CDH7: variants seen among roughly 807,000 people sequenced by gnomAD.
The protein encoded by CDH7 is cadherin 7.
CDH7 carries 25 observed loss-of-function variants against 71.8 expected under a neutral mutation model. The ratio of observed to expected loss-of-function variants is 0.35; its 90% CI spans 0.25 to 0.49. CDH7 has a LOEUF of 0.49. CDH7 is among the 20% of genes least tolerant of loss of function. The probability of loss-of-function intolerance (pLI) is 0.99; values close to 1 mark genes in which losing one functional copy is unlikely to be tolerated. For synonymous variants in CDH7, 381 were observed against 363.8 expected (o/e 1.05, Z -0.54); for missense variants, 862 against 974.6 (o/e 0.88, Z 1.54).
At chr18:65,834,350 T>C (rs1912459889) in intron 6 of CDH7, among the ~76,000 whole-genome samples, 1 of 152,178 alleles carries the variant, frequency 6.6e-6, no homozygotes, top group South Asian at 2.1e-4. Flanking sequence ...AGCTCTATAG[T>C]ACATTCTTAT....
At chr18:65,858,833 C>A in intron 8 of CDH7, 92 bp from the exon 9 acceptor site, 1 of 1,281,916 alleles carries the variant, frequency 7.8e-7, no homozygotes, top group Non-Finnish European at 1.1e-6. Context: ...CATTATGATT[C>A]TAGATTTCAT....
chr18:65,878,098 C>T (rs758232688), intron 11 of CDH7, among the ~76,000 whole-genome samples: 3 of 152,092 alleles, frequency 2.0e-5, no homozygotes, highest in Non-Finnish European at 4.4e-5. Context: ...AACACCTACC[C>T]CAGAGAATTG....
chr18:65,852,548 AAAG>A, intron 7 of CDH7, among the ~76,000 whole-genome samples: 1 of 152,094 alleles, frequency 6.6e-6, no homozygotes, highest in African/African-American at 2.4e-5. Context: ...CAGGTGAGAG[AAAG>A]GGGGAGGGCA....
chr18:65,872,408 T>C (rs1235262353), intron 11 of CDH7, among the ~76,000 whole-genome samples: 3 of 152,084 alleles, frequency 2.0e-5, no homozygotes, highest in Admixed American at 2.0e-4. Flanking sequence ...TGAAGATAAA[T>C]TGTTGGCTGG....
intron 2 of CDH7, among the ~76,000 whole-genome samples, chr18:65,786,465 C>G (rs770771909): frequency 3.3e-5 from 5 of 152,152 alleles, no homozygotes; most frequent in Non-Finnish European, 7.3e-5. Flanking sequence ...GGCTCTAAAT[C>G]TTAGCCTGCA....
Position 65,824,915 on chromosome 18 carries a change from A to G in CDH7, c.981+84A>G, listed in dbSNP as rs140155897. On this transcript the variant is annotated intron_variant, in intron 6 of 11. Coordinates refer to ENST00000397968, the MANE Select transcript of CDH7 (RefSeq NM_004361.5). ...TGGGAGAATGTACTAGACAAACCGA[A>G]TGGCCATATGGGACCATTACTATTT... 2.3e-3 allele frequency: 1,837 copies of G among 810,934 alleles called. 27 individuals carry two copies. The highest frequency in any genetic ancestry group is 2.9e-3 in the East Asian group (106 of 36,776). The allele number at this position is 810,934 out of a possible 1,614,324, so 50.2% of individuals were successfully genotyped here.
chr18:65,760,793 C>T lies in CDH7; in HGVS notation c.-196-1854C>T, dbSNP rs565392334. 4.6e-5 allele frequency among the ~76,000 whole-genome samples: 7 copies of T among 152,290 alleles called. No homozygotes were observed. In the South Asian group the frequency reaches 1.4e-3, roughly 32 times the overall value. ...GCCATTCCTACTGAAGACCACTCTT[C>T]ACGATTCTCATCTCATCACTGGACT... On this transcript the variant is annotated intron_variant, in intron 1 of 11. Coordinates refer to ENST00000397968, the MANE Select transcript of CDH7 (RefSeq NM_004361.5).
intron 7 of CDH7, among the ~76,000 whole-genome samples, chr18:65,857,072 A>T (rs1292242475): frequency 2.6e-5 from 4 of 151,810 alleles, no homozygotes; most frequent in East Asian, 1.9e-4. Context: ...AGAACAAAAG[A>T]TATTACTAAG....
At chr18:65,839,191 A>G (rs1412849641) in intron 6 of CDH7, among the ~76,000 whole-genome samples, 1 of 152,186 alleles carries the variant, frequency 6.6e-6, no homozygotes, top group Non-Finnish European at 1.5e-5. Context: ...TTTCACATGT[A>G]TTAATAATAT....
intron 2 of CDH7, among the ~76,000 whole-genome samples, chr18:65,776,241 A>G (rs1598995017): frequency 6.6e-6 from 1 of 152,102 alleles, no homozygotes; most frequent in Non-Finnish European, 1.5e-5. Flanking sequence ...AATATTTTAT[A>G]TATACCAGAA....
chr18:65,773,437 T>G (rs1916604711), intron 2 of CDH7, among the ~76,000 whole-genome samples: 2 of 152,130 alleles, frequency 1.3e-5, no homozygotes, highest in Non-Finnish European at 2.9e-5. Context: ...ACAGAAATTC[T>G]TTGTACAAAT....
At chr18:65,804,218 A>G (rs1289811312) in intron 2 of CDH7, among the ~76,000 whole-genome samples, 1 of 152,164 alleles carries the variant, frequency 6.6e-6, no homozygotes, top group African/African-American at 2.4e-5. Flanking sequence ...CTCTAACATT[A>G]TAACAATTTA....
chr18:65,828,621 A>G (rs1407067144), intron 6 of CDH7, among the ~76,000 whole-genome samples: 1 of 151,792 alleles, frequency 6.6e-6, no homozygotes, highest in Non-Finnish European at 1.5e-5. Context: ...TTAGTAGTTA[A>G]GTTTTGAGCG....
At chr18:65,848,547 G>C (rs1017441441) in intron 7 of CDH7, among the ~76,000 whole-genome samples, 4 of 21,386 alleles carry the variant, frequency 1.9e-4, no homozygotes, top group African/African-American at 4.1e-4. Context: ...GGCAAGATTT[G>C]GGCAAGCCAA....
chr18:65,857,989 G>C (rs765376482), intron 8 of CDH7, 37 bp downstream of exon 8: 8 of 1,598,140 alleles, frequency 5.0e-6, no homozygotes, highest in Non-Finnish European at 6.8e-6. Context: ...TAAGATGGAG[G>C]ACAGTGAGTG....
chr18:65,763,089 A>G (rs1916248786), intron 2 of CDH7, 37 bp downstream of exon 2: 1 of 1,444,804 alleles, frequency 6.9e-7, no homozygotes, highest in African/African-American at 1.4e-5. Context: ...GTAAATGATT[A>G]TTGTCCATGT....
intron 11 of CDH7, among the ~76,000 whole-genome samples, chr18:65,878,964 A>T (rs1254891794): frequency 6.6e-6 from 1 of 152,184 alleles, no homozygotes; most frequent in African/African-American, 2.4e-5. Context: ...TTTCACAACT[A>T]TTTCCACAGA....
chr18:65,759,249 T>C (rs1277375754), intron 1 of CDH7, among the ~76,000 whole-genome samples: 1 of 151,476 alleles, frequency 6.6e-6, no homozygotes, highest in African/African-American at 2.4e-5. Context: ...TTTTTTTTTT[T>C]TTCTTTTTTC....
At chr18:65,861,883 A>T (rs961515946) in intron 10 of CDH7, among the ~76,000 whole-genome samples, 1 of 26,830 alleles carries the variant, frequency 3.7e-5, no homozygotes, top group African/African-American at 5.6e-5. Context: ...CTATTAATTT[A>T]AAAAATCTCA....
Sources: gnomAD v4.1 joint callset for allele counts (sites outside exome capture counted in the v4.1 genomes callset) on GRCh38, gnomAD v4.1.1 for gene constraint, MANE v1.5 for transcripts, NCBI Gene and HGNC (gene_info 2026-07-23, HGNC 2026-07-21) for gene names.